Variants in NRG3 observed in about 807,000 individuals in gnomAD.
The protein encoded by NRG3 is neuregulin 3, also known as pro-neuregulin-3, membrane-bound isoform.
Under a neutral mutation model 66.9 loss-of-function variants are expected in NRG3, and 31 were observed. The ratio of observed to expected loss-of-function variants is 0.46; its 90% confidence interval spans 0.35 to 0.63. The LOEUF (loss-of-function observed/expected upper bound fraction) is 0.63, where lower values mean the gene tolerates loss of function less well. NRG3 is among the 20% of genes least tolerant of loss of function. The pLI is 0.00. For missense variants in NRG3, 910 were observed against 878.9 expected (o/e 1.04, Z -0.45); for synonymous variants, 393 against 359.4 (o/e 1.09, Z -1.06).
intron 2 of NRG3, among the ~76,000 whole-genome samples, chr10:82,361,074 A>G (rs558925575): frequency 2.0e-5 from 3 of 152,294 alleles, no homozygotes; most frequent in South Asian, 2.1e-4. Context: ...GGGATTTTAT[A>G]TTTTTGTAGA....
chr10:82,882,096 C>T (rs1224231356), intron 4 of NRG3, among the ~76,000 whole-genome samples: 2 of 152,164 alleles, frequency 1.3e-5, no homozygotes, highest in East Asian at 1.9e-4. Context: ...TGTCCATGCC[C>T]GTCTTTTCTG....
chr10:82,975,733 A>T (rs766133831), intron 7 of NRG3, among the ~76,000 whole-genome samples: 3 of 152,234 alleles, frequency 2.0e-5, no homozygotes, highest in Non-Finnish European at 4.4e-5. Flanking sequence ...ACTGCACCAT[A>T]ACTTCCTGAA....
chr10:82,453,694 A>C (rs1046140936), intron 2 of NRG3, among the ~76,000 whole-genome samples: 1 of 152,102 alleles, frequency 6.6e-6, no homozygotes, highest in African/African-American at 2.4e-5. Context: ...AAAAAAAAAA[A>C]AAACCTAGTT....
chr10:82,539,045 C>T (rs1423413909), intron 2 of NRG3, among the ~76,000 whole-genome samples: 2 of 152,174 alleles, frequency 1.3e-5, no homozygotes, highest in African/African-American at 4.8e-5. Context: ...TGGATTTACT[C>T]TATTTACAAG....
At chr10:82,110,245 A>T (rs2067306429) in intron 1 of NRG3, among the ~76,000 whole-genome samples, 1 of 152,164 alleles carries the variant, frequency 6.6e-6, no homozygotes. Flanking sequence ...AAAATCAAAT[A>T]AAAAATCCTT....
chr10:82,685,693 A>AATACACATTGTACAGCC lies in NRG3; in HGVS notation c.954-52863_954-52847dup, dbSNP rs537760375. 2.8e-3 allele frequency among the ~76,000 whole-genome samples: 433 copies of AATACACATTGTACAGCC among 152,330 alleles called. 2 individuals carry two copies. The highest frequency in any genetic ancestry group is 0.01 in the African/African-American group (421 of 41,562). On this transcript the variant is annotated intron_variant, in intron 2 of 8. Coordinates refer to ENST00000372141, the MANE Select transcript of NRG3 (RefSeq NM_001010848.4). ...TGTTTTGTAGTAATACTTAGTTTAA[A>AATACACATTGTACAGCC]ATACACATTGTACAGCCATACACAT...
At chr10:82,629,781 C>G (rs143173931) in intron 2 of NRG3, among the ~76,000 whole-genome samples, 153 of 152,286 alleles carry the variant, frequency 1.0e-3, no homozygotes, top group African/African-American at 3.5e-3. Flanking sequence ...AAAATGGGGA[C>G]TAGTTGGGAT....
At chr10:82,661,376 A>C (rs1336899494) in intron 2 of NRG3, among the ~76,000 whole-genome samples, 6 of 152,058 alleles carry the variant, frequency 3.9e-5, no homozygotes, top group African/African-American at 1.4e-4. Context: ...AGCATATTAA[A>C]TATATAGAAT....
rs557895994 is a variant in NRG3 at position 82,821,014 on chromosome 10, C to T, written c.1028-44397C>T. Among the ~76,000 whole-genome samples, 449 of 152,282 alleles carry T rather than the reference C, an allele frequency of 2.9e-3. 2 individuals are homozygous for T. Among genetic ancestry groups the T allele is most frequent in the Non-Finnish European group, 5.1e-3 (348 of 68,024 alleles). On this transcript the variant is annotated intron_variant, in intron 3 of 8. Transcript: ENST00000372141. ...GACTAGAGAAATGCTTTAATACTTT[C>T]GAAGACTGAATATCTTAAAAATGGC...
intron 4 of NRG3, among the ~76,000 whole-genome samples, chr10:82,881,924 T>C (rs1842336069): frequency 6.6e-6 from 1 of 152,192 alleles, no homozygotes; most frequent in Non-Finnish European, 1.5e-5. Flanking sequence ...AGGACAGAGC[T>C]GTGTGCTTTA....
intron 2 of NRG3, among the ~76,000 whole-genome samples, chr10:82,710,236 T>G (rs973921040): frequency 3.3e-5 from 5 of 152,244 alleles, no homozygotes; most frequent in African/African-American, 9.6e-5. Flanking sequence ...TTTTATATTA[T>G]TCTTCAGAAT....
At chr10:82,805,684 T>C (rs2061249907) in intron 3 of NRG3, among the ~76,000 whole-genome samples, 2 of 152,094 alleles carry the variant, frequency 1.3e-5, no homozygotes, top group African/African-American at 4.8e-5. Context: ...ATGAAAGAGG[T>C]GACGTGGTCT....
At chr10:82,169,776 T>C (rs1338497699) in intron 1 of NRG3, among the ~76,000 whole-genome samples, 1 of 151,870 alleles carries the variant, frequency 6.6e-6, no homozygotes, top group Admixed American at 6.6e-5. Flanking sequence ...TAGTTTCTTC[T>C]AAGTTTTTCT....
intron 1 of NRG3, chr10:82,230,442 A>G (rs2076399831): frequency 1.3e-5 from 2 of 152,182 alleles, no homozygotes; most frequent in Non-Finnish European, 2.9e-5. Context: ...GGAAAAGAAC[A>G]GGTCAATGCC....
At chr10:82,756,124 C>A (rs1591423510) in intron 3 of NRG3, among the ~76,000 whole-genome samples, 1 of 151,970 alleles carries the variant, frequency 6.6e-6, no homozygotes, top group African/African-American at 2.4e-5. Flanking sequence ...AGATCTCAGG[C>A]CAAAGTTCTC....
At chr10:82,716,289 C>G (rs1174149303) in intron 2 of NRG3, among the ~76,000 whole-genome samples, 1 of 152,126 alleles carries the variant, frequency 6.6e-6, no homozygotes, top group Non-Finnish European at 1.5e-5. Context: ...CATATGTATA[C>G]ACACGTATAA....
chr10:82,183,736 T>C (rs1244155907), intron 1 of NRG3, among the ~76,000 whole-genome samples: 1 of 152,090 alleles, frequency 6.6e-6, no homozygotes, highest in East Asian at 1.9e-4. Flanking sequence ...GAGAAGTTAC[T>C]GGCATCCAGG....
intron 1 of NRG3, among the ~76,000 whole-genome samples, chr10:81,912,331 C>T (rs1297466286): frequency 6.6e-6 from 1 of 152,176 alleles, no homozygotes; most frequent in East Asian, 1.9e-4. Context: ...AAGTGATCCT[C>T]CTGCCTCAGC....
intron 4 of NRG3, among the ~76,000 whole-genome samples, chr10:82,882,884 A>C (rs1214827226): frequency 6.6e-6 from 1 of 152,212 alleles, no homozygotes; most frequent in Admixed American, 6.5e-5. Context: ...GCTCAGGTTT[A>C]AATACCTGAC....
Sources: gnomAD v4.1 joint callset for allele counts (sites outside exome capture counted in the v4.1 genomes callset) on GRCh38, gnomAD v4.1.1 for gene constraint, MANE v1.5 for transcripts, NCBI Gene and HGNC (gene_info 2026-07-23, HGNC 2026-07-21) for gene names.